The following FSTL4 variants were observed in gnomAD, a reference collection of about 807,000 sequenced individuals.
FSTL4 encodes follistatin like 4, also known as follistatin-related protein 4.
FSTL4 carries 28 observed loss-of-function variants against 78.2 expected under a neutral mutation model. The observed-to-expected ratio is 0.36, with a 90% CI of 0.27 to 0.49. The LOEUF (loss-of-function observed/expected upper bound fraction) is 0.49. Among genes scored for constraint, FSTL4 ranks in the 20% least tolerant of loss-of-function variants. The pLI, the probability that FSTL4 is intolerant of heterozygous loss-of-function variation, is 0.98. For missense variants in FSTL4, 922 were observed against 1,084.9 expected (o/e 0.85, Z 2.11); for synonymous variants, 422 against 440.5 (o/e 0.96, Z 0.53).
At chr5:133,430,192 G>C (rs1756904988) in intron 3 of FSTL4, among the ~76,000 whole-genome samples, 1 of 152,210 alleles carries the variant, frequency 6.6e-6, no homozygotes, top group African/African-American at 2.4e-5. Context: ...CTTTGCAACA[G>C]AGGAAACAAT....
rs1383389547 is a variant in FSTL4, at chr5:133,283,033, C to G, written c.727+29621G>C. 2.0e-5 allele frequency among the ~76,000 whole-genome samples: 3 copies of G among 147,276 alleles called. No individual in the cohort carries two copies. The East Asian group carries it at 5.8e-4, about 28-fold the overall frequency. On this transcript the variant is annotated intron_variant, in intron 6 of 15. Transcript: ENST00000265342. ...TGTCTGTTAGCACAAGGTTGGGGCC[C>G]TGGGCTGGAGGAGATGTACCCCACC...
chr5:133,463,063 C>T (rs1319996184), intron 3 of FSTL4, among the ~76,000 whole-genome samples: 1 of 152,178 alleles, frequency 6.6e-6, no homozygotes, highest in African/African-American at 2.4e-5. Context: ...AGGGATTTGA[C>T]CATCTTTACT....
chr5:133,504,355 GA>G (rs1411725259), intron 3 of FSTL4, among the ~76,000 whole-genome samples: 1 of 152,070 alleles, frequency 6.6e-6, no homozygotes, highest in East Asian at 1.9e-4. Context: ...CAAACATAGG[GA>G]AAAATAGGTA....
intron 6 of FSTL4, among the ~76,000 whole-genome samples, chr5:133,301,796 G>C (rs1344723642): frequency 6.6e-6 from 1 of 152,284 alleles, no homozygotes; most frequent in East Asian, 1.9e-4. Flanking sequence ...ATCTAGATGG[G>C]GAGTGGGGCA....
At chr5:133,221,410 C>T (rs745568380) in intron 11 of FSTL4, among the ~76,000 whole-genome samples, 2 of 149,768 alleles carry the variant, frequency 1.3e-5, no homozygotes, top group African/African-American at 2.5e-5. Context: ...TCCCTGCCCC[C>T]CCACCGCCCC....
chr5:133,335,657 GAAC>G (rs1215679707), intron 4 of FSTL4, among the ~76,000 whole-genome samples: 1 of 149,248 alleles, frequency 6.7e-6, no homozygotes, highest in Non-Finnish European at 1.5e-5. Context: ...AGCCTTCCCT[GAAC>G]AGCTCTCCCC....
At chr5:133,257,181 C>G (rs1752400416) in intron 6 of FSTL4, among the ~76,000 whole-genome samples, 1 of 152,198 alleles carries the variant, frequency 6.6e-6, no homozygotes, top group Non-Finnish European at 1.5e-5. Context: ...TGGGAATATA[C>G]TGGCAAGAAA....
chr5:133,610,758 A>C (rs939678717), intron 1 of FSTL4, among the ~76,000 whole-genome samples: 8 of 152,214 alleles, frequency 5.3e-5, no homozygotes, highest in African/African-American at 2.4e-5. Flanking sequence ...CAGGATTAAG[A>C]AGACACTATT....
chr5:133,415,752 G>T (rs899417544), intron 3 of FSTL4, among the ~76,000 whole-genome samples: 8 of 152,188 alleles, frequency 5.3e-5, no homozygotes, highest in Non-Finnish European at 2.9e-5. Context: ...GCAGGGGCAG[G>T]AGGTTATCTT....
chr5:133,243,210 G>C (rs1435146357), intron 7 of FSTL4, among the ~76,000 whole-genome samples: 1 of 151,344 alleles, frequency 6.6e-6, no homozygotes, highest in East Asian at 1.9e-4. Flanking sequence ...GCCGACATTA[G>C]AAAGCCCCAA....
chr5:133,749,688 T>C, the FSTL4 span, among the ~76,000 whole-genome samples: 1 of 152,222 alleles, frequency 6.6e-6, no homozygotes, highest in African/African-American at 2.4e-5. Context: ...CCTGTTTCAC[T>C]GAAGAGGGGA....
chr5:133,565,096 A>T (rs1759998897), intron 3 of FSTL4, among the ~76,000 whole-genome samples: 1 of 152,174 alleles, frequency 6.6e-6, no homozygotes. Context: ...AGACCTGAAG[A>T]CTTTCTAGAC....
At chr5:133,539,115 C>T (rs187132067) in intron 3 of FSTL4, among the ~76,000 whole-genome samples, 94 of 152,198 alleles carry the variant, frequency 6.2e-4, no homozygotes, top group African/African-American at 2.1e-3. Flanking sequence ...ATCACATCTG[C>T]CACAGTTACA....
intron 4 of FSTL4, among the ~76,000 whole-genome samples, chr5:133,375,910 A>G (rs1254568813): frequency 6.6e-6 from 1 of 152,242 alleles, no homozygotes; most frequent in Non-Finnish European, 1.5e-5. Flanking sequence ...TGCTTGCATC[A>G]GTTGATATTT....
At chr5:133,481,194 G>C (rs1173633942) in intron 3 of FSTL4, among the ~76,000 whole-genome samples, 1 of 152,134 alleles carries the variant, frequency 6.6e-6, no homozygotes, top group Non-Finnish European at 1.5e-5. Context: ...TTAACTCTTG[G>C]TTGGCGTTAA....
the FSTL4 span, among the ~76,000 whole-genome samples, chr5:133,663,954 G>A: frequency 6.6e-6 from 1 of 152,206 alleles, no homozygotes; most frequent in Non-Finnish European, 1.5e-5. Context: ...GTGTATATGG[G>A]TGGGGGGATG....
At chr5:133,312,627 C>G in intron 6 of FSTL4, 27 bp downstream of exon 6, 1 of 1,611,458 alleles carries the variant, frequency 6.2e-7, no homozygotes, top group Non-Finnish European at 8.5e-7. Flanking sequence ...CAGAAATAAG[C>G]CCTTTTCCCA....
At chr5:133,366,778 C>T (rs765681384) in intron 4 of FSTL4, among the ~76,000 whole-genome samples, 17 of 151,568 alleles carry the variant, frequency 1.1e-4, no homozygotes, top group Non-Finnish European at 2.4e-4. Context: ...AAGCACAAGG[C>T]GGCATCCTAA....
At chr5:133,263,625 C>T (rs1752581752) in intron 6 of FSTL4, among the ~76,000 whole-genome samples, 1 of 152,012 alleles carries the variant, frequency 6.6e-6, no homozygotes, top group African/African-American at 2.4e-5. Flanking sequence ...ATGGGTTGGA[C>T]AGAGAACGGG....
Sources: gnomAD v4.1 joint callset for allele counts (sites outside exome capture counted in the v4.1 genomes callset) on GRCh38, gnomAD v4.1.1 for gene constraint, MANE v1.5 for transcripts, NCBI Gene and HGNC (gene_info 2026-07-23, HGNC 2026-07-21) for gene names.